FAM120AOS: variants seen among roughly 807,000 people sequenced by gnomAD.
FAM120AOS encodes uncharacterized protein FAM120AOS.
A neutral mutation model predicts 20.2 loss-of-function variants in FAM120AOS; 15 were observed. That is an observed-to-expected ratio of 0.74 (90% CI 0.50 to 1.15). The LOEUF (loss-of-function observed/expected upper bound fraction) is 1.15, where lower values mean the gene tolerates loss of function less well. Ranked by LOEUF, FAM120AOS falls within the 50% of genes most tolerant of loss-of-function variation. FAM120AOS has a pLI of 0.00. For missense variants in FAM120AOS, 327 were observed against 351.9 expected, an observed-to-expected ratio of 0.93 and a Z score of 0.57; for synonymous variants, 154 against 154.0, an observed-to-expected ratio of 1.00 and a Z score of 0.00.
rs1856780338 is a variant in FAM120AOS at position 93,444,278 on chromosome 9, G to T, written c.*3333C>A. ...TGGTCTTGAACTCCTGACTTCAGGT[G>T]ATCCACCCGTCTTGGCCTCCCAAAG... On this transcript the variant is annotated 3_prime_UTR_variant, in exon 3 of 3. Coordinates refer to ENST00000375412, the MANE Select transcript of FAM120AOS (RefSeq NM_198841.4). Among the ~76,000 whole-genome samples the T allele has an allele frequency of 6.6e-6, 1 of 152,120 alleles. No homozygotes were observed. Among genetic ancestry groups the T allele is most frequent in the Non-Finnish European group, 1.5e-5 (1 of 68,024 alleles).
chr9:93,449,644 C>T (rs79454003), intron 2 of FAM120AOS, among the ~76,000 whole-genome samples: 2 of 151,788 alleles, frequency 1.3e-5, no homozygotes, highest in South Asian at 2.1e-4. Context: ...CGCACCACCA[C>T]GCTCGGCTAA....
chr9:93,450,240 C>A (rs746805066), intron 2 of FAM120AOS, among the ~76,000 whole-genome samples: 1 of 152,168 alleles, frequency 6.6e-6, no homozygotes. Context: ...TCACCCGCCT[C>A]GGCCTCCCAA....
In FAM120AOS at chr9:93,450,481, T is replaced by G; in HGVS notation, c.682A>C (p.Lys228Gln). 6.4e-7 allele frequency: 1 copy of G among 1,567,350 alleles called. No homozygotes were observed. The highest frequency in any genetic ancestry group is 8.6e-7 in the Non-Finnish European group (1 of 1,159,398). The stretch of plus-strand genomic sequence containing the variant: ...GAAAGCAGAAAAATCCAACTTGCCT[T>G]TTTCACCGGGAGTATGGGGGCTTCT... ...AKEAPILPVKKISRSCSVNNK... is the reference protein window; with the variant it reads ...AKEAPILPVKQISRSCSVNNK... The change falls in exon 2 of 3, where the codon AAG becomes CAG. Residue 228 changes from lysine to glutamine, a missense_variant and splice_region_variant. This residue lies in a region of FAM120AOS where 86 missense variants were observed against 82.9 expected (regional missense o/e 1.04). Transcript: ENST00000375412.
At position 93,445,982 on chromosome 9, in the gene FAM120AOS, C is replaced by G. The variant is rs774887815; in HGVS notation, c.*1629G>C. On this transcript the variant is annotated 3_prime_UTR_variant, in exon 3 of 3. Transcript: ENST00000375412. ...GTGCACTGATGCAGTAGATGGATGT[C>G]TCAGATCCCTCAGCTCCCAGATTGG... Among the ~76,000 whole-genome samples, 1 of 152,156 alleles carries G rather than the reference C, an allele frequency of 6.6e-6. No individual in the cohort carries two copies. The highest frequency in any genetic ancestry group is 1.5e-5 in the Non-Finnish European group (1 of 68,036).
chr9:93,448,974 C>T (rs931381887), intron 2 of FAM120AOS, among the ~76,000 whole-genome samples: 12 of 152,068 alleles, frequency 7.9e-5, no homozygotes, highest in Admixed American at 2.0e-4. Context: ...CAACCAACCC[C>T]TGAATTTGAG....
At position 93,453,559 on chromosome 9, in the gene FAM120AOS, AGGAGATGGT is replaced by A; in HGVS notation, c.-859_-851del. On this transcript the variant is annotated 5_prime_UTR_variant, in exon 1 of 3. Coordinates refer to ENST00000375412, the MANE Select transcript of FAM120AOS (RefSeq NM_198841.4). ...TTCGCGGTTGCCCCCACTGCCCGCGAGGAGATGGTGGTAGTTAAGCCTAAAATGATAGCG... is the reference window on the plus strand; with the variant it reads ...TTCGCGGTTGCCCCCACTGCCCGCGAGGTAGTTAAGCCTAAAATGATAGCG... 1 of 985,346 alleles carries A rather than the reference AGGAGATGGT, an allele frequency of 1.0e-6. No homozygotes were observed. Among genetic ancestry groups the A allele is most frequent in the Non-Finnish European group, 1.2e-6 (1 of 829,924 alleles). 61.0% of individuals were successfully genotyped at this position (985,346 alleles called of 1,614,324 possible).
intron 1 of FAM120AOS, chr9:93,451,846 C>G: frequency 2.1e-6 from 2 of 967,246 alleles, no homozygotes; most frequent in Non-Finnish European, 2.5e-6. Context: ...CCCGCCCGCG[C>G]GCCACGGCCC....
In FAM120AOS at chr9:93,452,783, C is replaced by A; in HGVS notation, c.-74G>T. On this transcript the variant is annotated 5_prime_UTR_variant, in exon 1 of 3. Transcript: ENST00000375412. The surrounding 1 kb of genome is among the most constrained non-coding windows in gnomAD (Gnocchi z 7.0). ...ACTCCCTTTTCTAATTTAGCCTGTT[C>A]TTTCCCAGCAACAGGTTCATCTTGG... The A allele has an allele frequency of 6.3e-7, 1 of 1,593,554 alleles. No homozygotes were observed. Among genetic ancestry groups the A allele is most frequent in the East Asian group, 2.2e-5 (1 of 44,794 alleles).
chr9:93,452,902 GT>G lies in FAM120AOS; in HGVS notation c.-194del, dbSNP rs1857338895. On this transcript the variant is annotated 5_prime_UTR_variant, in exon 1 of 3. Coordinates refer to ENST00000375412, the MANE Select transcript of FAM120AOS (RefSeq NM_198841.4). This position sits in a 1 kb window ranked among gnomAD's most constrained non-coding sequence, Gnocchi z 7.0. ...TGCTGCCGCCGCCCTTGCCAATGTTGTTAGCCCGGTGACAGCGAGACGTGTC... is the reference window on the plus strand; with the variant it reads ...TGCTGCCGCCGCCCTTGCCAATGTTGTAGCCCGGTGACAGCGAGACGTGTC... 1 of 1,438,038 alleles carries G rather than the reference GT, an allele frequency of 7.0e-7. No individual in the cohort carries two copies. The highest frequency in any genetic ancestry group is 1.4e-5 in the African/African-American group (1 of 69,456). The allele number at this position is 1,438,038 out of a possible 1,614,324, so 89.1% of individuals were successfully genotyped here. A position where few individuals can be genotyped will look rare whatever the true frequency, so the allele number is the denominator to read the frequency against.
At chr9:93,448,404 G>C (rs945941485) in intron 2 of FAM120AOS, 4 of 183,622 alleles carry the variant, frequency 2.2e-5, no homozygotes, top group African/African-American at 7.2e-5. Flanking sequence ...TGAGGCAGGA[G>C]ATCACTTGAA....
rs763809818 is a variant in FAM120AOS, at chr9:93,452,607, G to C, written c.103C>G (p.Pro35Ala). ...PSSVPTRPRT[P>A]NRDSWRRAWA... ...GCCCGTCTCCAGCTGTCCCTGTTCG[G>C]GGTCCGCGGCCGCGTGGGGACACTT... is the stretch of plus-strand genomic sequence containing the variant. The change falls in exon 1 of 3, where the codon CCG (proline) becomes GCG (alanine). Residue 35 changes from proline to alanine, a missense_variant. Physicochemically the swap from Pro to Ala is conservative, Grantham distance 27. Transcript: ENST00000375412. This position sits in a 1 kb window ranked among gnomAD's most constrained non-coding sequence, Gnocchi z 7.0. 9 of 1,598,972 alleles carry C rather than the reference G, an allele frequency of 5.6e-6. No individual in the cohort carries two copies. The highest frequency in any genetic ancestry group is 7.6e-6 in the Non-Finnish European group (9 of 1,179,754).
rs527407303 is a variant in FAM120AOS at position 93,447,097 on chromosome 9, A to G, written c.*514T>C. On this transcript the variant is annotated 3_prime_UTR_variant, in exon 3 of 3. Transcript: ENST00000375412. The stretch of plus-strand genomic sequence containing the variant: ...AGACACATGGGTGTGGTATGACTGC[A>G]AAGTACCTGTGGAATTCAGATGGGA... 3 of 155,222 alleles carry G rather than the reference A, an allele frequency of 1.9e-5. No individual in the cohort carries two copies. The highest frequency in any genetic ancestry group is 2.4e-5 in the African/African-American group (1 of 41,474). The allele number at this position is 155,222 out of a possible 1,614,324, so 9.6% of individuals were successfully genotyped here.
chr9:93,448,258 C>A (rs1856929227), intron 2 of FAM120AOS: 1 of 153,388 alleles, frequency 6.5e-6, no homozygotes, highest in African/African-American at 2.4e-5. Context: ...CTTTGGGAGG[C>A]AGAGGCAAGT....
intron 1 of FAM120AOS, chr9:93,451,605 G>T: frequency 1.0e-6 from 1 of 982,652 alleles, no homozygotes; most frequent in South Asian, 4.6e-5. Flanking sequence ...CGGCGGGCCT[G>T]GGCGGCGTCC....
At chr9:93,450,716 G>GTT in intron 1 of FAM120AOS, 117 bp from the exon 2 acceptor site, 1 of 1,472,842 alleles carries the variant, frequency 6.8e-7, no homozygotes. Flanking sequence ...TTTTGAAAAT[G>GTT]TTTTATGCAA....
intron 1 of FAM120AOS, chr9:93,451,543 T>C (rs1214796906): frequency 3.0e-6 from 3 of 985,170 alleles, no homozygotes; most frequent in South Asian, 4.7e-5. Context: ...CGCCGCCGCC[T>C]CCGGGAGCCC....
intron 2 of FAM120AOS, among the ~76,000 whole-genome samples, chr9:93,447,921 G>A (rs964245415): frequency 2.0e-5 from 3 of 152,146 alleles, no homozygotes; most frequent in Non-Finnish European, 4.4e-5. Flanking sequence ...CATTTATGAA[G>A]CAGGCCTACA....
At chr9:93,451,114 C>G (rs1857149759) in intron 1 of FAM120AOS, 1 of 1,550,494 alleles carries the variant, frequency 6.4e-7, no homozygotes, top group Non-Finnish European at 8.7e-7. Flanking sequence ...TTCTCGCGCT[C>G]CTTCCTGCTC....
chr9:93,451,443 G>A, intron 1 of FAM120AOS: 1 of 1,236,294 alleles, frequency 8.1e-7, no homozygotes, highest in Non-Finnish European at 1.0e-6. Context: ...GGCCTGAGGC[G>A]GGCGAACGGC....
Sources: gnomAD v4.1 joint callset for allele counts (sites outside exome capture counted in the v4.1 genomes callset) on GRCh38, gnomAD v4.1.1 for gene constraint, gnomAD v4.1.1 regional missense constraint, Gnocchi (gnomAD v3.1) non-coding constraint, MANE v1.5 for transcripts, NCBI Gene and HGNC (gene_info 2026-07-23, HGNC 2026-07-21) for gene names.